Variants in PPM1H observed in about 807,000 individuals in gnomAD.
The protein encoded by PPM1H is protein phosphatase, Mg2+/Mn2+ dependent 1H, also known as protein phosphatase 1H.
In PPM1H, 27 loss-of-function variants were observed where a neutral mutation model predicts 54.9. The ratio of observed to expected loss-of-function variants is 0.49; its 90% CI spans 0.36 to 0.68. PPM1H has a LOEUF of 0.68. Among genes scored for constraint, PPM1H ranks in the 30% least tolerant of loss-of-function variants. The pLI, the probability that PPM1H is intolerant of heterozygous loss-of-function variation, is 0.00. For missense variants in PPM1H, 596 were observed against 667.8 expected, an observed-to-expected ratio of 0.89 and a Z score of 1.19; for synonymous variants, 305 against 270.8, an observed-to-expected ratio of 1.13 and a Z score of -1.24.
At chr12:62,917,668 G>A (rs1446035966) in intron 1 of PPM1H, among the ~76,000 whole-genome samples, 1 of 152,114 alleles carries the variant, frequency 6.6e-6, no homozygotes, top group African/African-American at 2.4e-5. Context: ...AAGAATTAGG[G>A]GAGAAAAGCC....
chr12:62,897,527 C>A (rs1403295835), intron 1 of PPM1H, among the ~76,000 whole-genome samples: 1 of 152,086 alleles, frequency 6.6e-6, no homozygotes, highest in Non-Finnish European at 1.5e-5. Context: ...ACAATGTCTA[C>A]AATGACCTAT....
chr12:62,788,153 T>C, intron 4 of PPM1H, 73 bp downstream of exon 4: 1 of 1,036,338 alleles, frequency 9.6e-7, no homozygotes, highest in Non-Finnish European at 1.4e-6. Flanking sequence ...TCTAATCATT[T>C]AATTTTTGAG....
intron 1 of PPM1H, among the ~76,000 whole-genome samples, chr12:62,908,509 A>C (rs927274693): frequency 6.6e-6 from 1 of 152,200 alleles, no homozygotes; most frequent in Admixed American, 6.5e-5. Context: ...TTACTAACCA[A>C]AAGTTATTTA....
intron 3 of PPM1H, chr12:62,788,539 TGTG>T: frequency 2.2e-6 from 1 of 457,302 alleles, no homozygotes; most frequent in Non-Finnish European, 3.9e-6. Context: ...TTAGACCATC[TGTG>T]AACCAGAGAC....
chr12:62,862,136 A>G (rs1869624056), intron 1 of PPM1H, among the ~76,000 whole-genome samples: 1 of 152,166 alleles, frequency 6.6e-6, no homozygotes, highest in South Asian at 2.1e-4. Context: ...CAGAGAGCAA[A>G]GATCATGACA....
chr12:62,718,407 C>A (rs1348857371), intron 6 of PPM1H, among the ~76,000 whole-genome samples: 1 of 152,198 alleles, frequency 6.6e-6, no homozygotes, highest in Non-Finnish European at 1.5e-5. Flanking sequence ...CCTAGTCAAT[C>A]TCATTCCAAC....
intron 4 of PPM1H, among the ~76,000 whole-genome samples, chr12:62,742,814 T>G (rs927782780): frequency 6.6e-6 from 1 of 152,096 alleles, no homozygotes; most frequent in Non-Finnish European, 1.5e-5. Context: ...GGTGATTTAA[T>G]CCATTGGCAA....
intron 6 of PPM1H, among the ~76,000 whole-genome samples, chr12:62,718,105 A>C (rs11174620): frequency 0.11 from 17,216 of 152,174 alleles, 1,061 homozygotes; most frequent in East Asian, 0.18. Flanking sequence ...TACCTCCTTT[A>C]TTCCTTTCAG....
At chr12:62,895,875 C>A (rs1043477665) in intron 1 of PPM1H, among the ~76,000 whole-genome samples, 5 of 152,150 alleles carry the variant, frequency 3.3e-5, no homozygotes, top group African/African-American at 1.2e-4. Context: ...CCTGCAGAAC[C>A]ATGAGCCAAC....
intron 2 of PPM1H, among the ~76,000 whole-genome samples, chr12:62,804,143 A>G (rs2076790015): frequency 6.6e-6 from 1 of 152,206 alleles, no homozygotes; most frequent in Admixed American, 6.5e-5. Context: ...TCTATTCAAT[A>G]TGATACTGGA....
At chr12:62,707,613 C>T (rs1463333386) in intron 6 of PPM1H, among the ~76,000 whole-genome samples, 1 of 152,210 alleles carries the variant, frequency 6.6e-6, no homozygotes, top group Non-Finnish European at 1.5e-5. Flanking sequence ...TCTAATTCAG[C>T]AGATAAAATA....
At chr12:62,882,937 T>TAGCAAAC (rs1319799568) in intron 1 of PPM1H, among the ~76,000 whole-genome samples, 22 of 150,326 alleles carry the variant, frequency 1.5e-4, no homozygotes, top group African/African-American at 5.3e-4. Flanking sequence ...CCCAGCCCCA[T>TAGCAAAC]CTGTTTAGCA....
intron 4 of PPM1H, among the ~76,000 whole-genome samples, chr12:62,738,214 A>C (rs2076361174): frequency 6.6e-6 from 1 of 152,178 alleles, no homozygotes; most frequent in Admixed American, 6.5e-5. Flanking sequence ...GGAGCTTGTT[A>C]GAAATGCAGA....
At chr12:62,928,952 T>A (rs1872051512) in intron 1 of PPM1H, among the ~76,000 whole-genome samples, 1 of 152,192 alleles carries the variant, frequency 6.6e-6, no homozygotes, top group Non-Finnish European at 1.5e-5. Context: ...GAATAATTTT[T>A]TTTCTCTAAC....
At chr12:62,857,959 A>T (rs1869451180) in intron 1 of PPM1H, among the ~76,000 whole-genome samples, 2 of 151,942 alleles carry the variant, frequency 1.3e-5, no homozygotes, top group African/African-American at 2.4e-5. Flanking sequence ...ATATACCCTT[A>T]TCTATTTGTC....
At chr12:62,683,076 T>C (rs1356135603) in intron 8 of PPM1H, among the ~76,000 whole-genome samples, 1 of 142,686 alleles carries the variant, frequency 7.0e-6, no homozygotes, top group Non-Finnish European at 1.5e-5. Context: ...ATTATTATTA[T>C]TATTATTATT....
At chr12:62,927,956 T>C (rs1872025907) in intron 1 of PPM1H, among the ~76,000 whole-genome samples, 1 of 152,224 alleles carries the variant, frequency 6.6e-6, no homozygotes, top group Non-Finnish European at 1.5e-5. Context: ...TTTAAGTATT[T>C]CATTAGACAC....
intron 1 of PPM1H, among the ~76,000 whole-genome samples, chr12:62,881,569 A>G (rs1281468809): frequency 1.3e-5 from 2 of 152,174 alleles, no homozygotes; most frequent in East Asian, 1.9e-4. Flanking sequence ...CCAGTTCTCA[A>G]TTGCATAAGC....
At chr12:62,696,068 C>T (rs1237572287) in intron 6 of PPM1H, among the ~76,000 whole-genome samples, 4 of 152,124 alleles carry the variant, frequency 2.6e-5, no homozygotes, top group African/African-American at 9.7e-5. Flanking sequence ...TAAATAGAGG[C>T]AGAAGGCTGC....
Sources: allele counts gnomAD v4.1 joint callset (sites outside exome capture counted in the v4.1 genomes callset), GRCh38; gene constraint gnomAD v4.1.1; transcripts MANE v1.5; gene names NCBI Gene and HGNC (gene_info 2026-07-23, HGNC 2026-07-21).